Variants in PWWP2A observed in about 807,000 individuals in gnomAD.
PWWP2A encodes the protein PWWP domain containing 2A, also known as PWWP domain-containing protein 2A.
A neutral mutation model predicts 48.5 loss-of-function variants in PWWP2A; 18 were observed. The ratio of observed to expected loss-of-function variants is 0.37; its 90% CI spans 0.26 to 0.55. The LOEUF is 0.55. Among genes scored for constraint, PWWP2A ranks in the 20% least tolerant of loss-of-function variants. The pLI, the probability that PWWP2A is intolerant of heterozygous loss-of-function variation, is 0.81. For missense variants in PWWP2A, 867 were observed against 976.4 expected (o/e 0.89, Z 1.49); for synonymous variants, 396 against 387.7 (o/e 1.02, Z -0.25).
At position 160,081,921 on chromosome 5, in the gene PWWP2A, GCAGTA is replaced by G. The variant is rs1754262080; in HGVS notation, c.1550-1156_1550-1152del. On this transcript the variant is annotated intron_variant, in intron 2 of 3. Coordinates refer to the PWWP2A transcript ENST00000456329. ...TTAATGCTAAGTTAAATTAGAAGCA[GCAGTA>G]TATAATGAAAACCTATTTATAAAAG... Among the ~76,000 whole-genome samples, 15 of 152,190 alleles carry G rather than the reference GCAGTA, an allele frequency of 9.9e-5. 1 individual carries two copies. In the South Asian group the frequency reaches 3.1e-3, roughly 32 times the overall value.
At chr5:160,117,242 T>C (rs903542466) in intron 1 of PWWP2A, among the ~76,000 whole-genome samples, 2 of 152,170 alleles carry the variant, frequency 1.3e-5, no homozygotes, top group Admixed American at 6.5e-5. Context: ...GTAGGATCGC[T>C]TGAGCCCAGG....
chr5:160,097,712 G>T (rs1431814069), intron 1 of PWWP2A, among the ~76,000 whole-genome samples: 1 of 147,006 alleles, frequency 6.8e-6, no homozygotes, highest in South Asian at 2.2e-4. Context: ...TTTTTGGGGG[G>T]GGGGGCGGTT....
downstream of PWWP2A, chr5:160,089,621 A>G: frequency 1.6e-6 from 2 of 1,288,858 alleles, no homozygotes; most frequent in South Asian, 2.5e-5. Flanking sequence ...CTAGAAAGTA[A>G]AAAGGGAAAA....
In PWWP2A at chr5:160,078,951, C is replaced by T. The variant is rs1227804703; in HGVS notation, c.1670-783G>A. 6.6e-6 allele frequency among the ~76,000 whole-genome samples: 1 copy of T among 152,132 alleles called. No homozygotes were observed. Among genetic ancestry groups the T allele is most frequent in the Non-Finnish European group, 1.5e-5 (1 of 68,012 alleles). On this transcript the variant is annotated intron_variant, in intron 3 of 3. Coordinates refer to the PWWP2A transcript ENST00000456329. This position sits in a 1 kb window ranked among gnomAD's most constrained non-coding sequence, Gnocchi z 4.2. ...TAAATAGCATGACCAGAATGATCAA[C>T]ACTACTAACCTCCGTCTAATACTAC...
chr5:160,073,828 G>A (rs184207781), downstream of PWWP2A, among the ~76,000 whole-genome samples: 69 of 152,180 alleles, frequency 4.5e-4, 1 homozygote, highest in East Asian at 0.012. Flanking sequence ...ACTTTGGGAG[G>A]TCAAAGCGGG....
At chr5:160,054,186 T>C in the PWWP2A span, among the ~76,000 whole-genome samples, 4 of 152,164 alleles carry the variant, frequency 2.6e-5, no homozygotes, top group Non-Finnish European at 5.9e-5. Flanking sequence ...GTGTGGTTGA[T>C]AGTGTGATGA....
At chr5:160,067,556 TTTTG>T (rs756168840) in intron 2 of PWWP2A, among the ~76,000 whole-genome samples, 8 of 151,890 alleles carry the variant, frequency 5.3e-5, no homozygotes, top group Non-Finnish European at 8.8e-5. Flanking sequence ...AGTGTAGAGG[TTTTG>T]TTTCTTAGGC....
At chr5:160,071,605 G>A (rs930654095), downstream of PWWP2A, among the ~76,000 whole-genome samples, 9 of 152,158 alleles carry the variant, frequency 5.9e-5, no homozygotes, top group East Asian at 5.8e-4. Flanking sequence ...AGACCAAAGC[G>A]CAAATCTGAG....
At chr5:160,058,302 T>C (rs774404319), downstream of PWWP2A, among the ~76,000 whole-genome samples, 1 of 152,208 alleles carries the variant, frequency 6.6e-6, no homozygotes, top group Non-Finnish European at 1.5e-5. Context: ...ACTGAAGTCT[T>C]CACCCCCTCA....
chr5:160,113,434 C>T, intron 1 of PWWP2A: 1 of 570,604 alleles, frequency 1.8e-6, no homozygotes. Context: ...TAGACTCAAA[C>T]ACCTTTTCCA....
At chr5:160,067,073 A>T (rs537357850) in intron 2 of PWWP2A, among the ~76,000 whole-genome samples, 1 of 152,250 alleles carries the variant, frequency 6.6e-6, no homozygotes, top group East Asian at 1.9e-4. Context: ...TACAATTTTT[A>T]TGGAAAAATC....
At chr5:160,111,306 T>C (rs2113661788) in intron 1 of PWWP2A, among the ~76,000 whole-genome samples, 1 of 152,250 alleles carries the variant, frequency 6.6e-6, no homozygotes, top group South Asian at 2.1e-4. Context: ...TAGCTGGGAT[T>C]ACAGGCACAT....
chr5:160,069,725 A>C (rs577205409), intron 2 of PWWP2A, among the ~76,000 whole-genome samples: 1 of 152,306 alleles, frequency 6.6e-6, no homozygotes, highest in South Asian at 2.1e-4. Flanking sequence ...AATAAAAATA[A>C]AAAGCATTCT....
chr5:160,119,272 G>T lies in PWWP2A; in HGVS notation c.117C>A (p.Pro39=). 2 of 1,402,416 alleles carry T rather than the reference G, an allele frequency of 1.4e-6. No homozygotes were observed. The highest frequency in any genetic ancestry group is 1.8e-6 in the Non-Finnish European group (2 of 1,088,302). 86.9% of individuals were successfully genotyped at this position (1,402,416 alleles called of 1,614,324 possible). A position where few individuals can be genotyped will look rare whatever the true frequency, so the allele number is the denominator to read the frequency against. ...ACGCTTCAGTGGCCGTGACCGGGAGGGGGTCAGTGCCGGCCTCACTGCCGG... is the reference window on the plus strand; with the variant it reads ...ACGCTTCAGTGGCCGTGACCGGGAGTGGGTCAGTGCCGGCCTCACTGCCGG... The part of the protein sequence containing the change: ...PIPGSEAGTD[P]LPVTATEASV... Residue 39 remains proline, a synonymous_variant, in exon 1 of 2, where the codon CCC becomes CCA. Coordinates refer to ENST00000307063, the MANE Select transcript of PWWP2A (RefSeq NM_001130864.2).
In PWWP2A at chr5:160,119,035, T is replaced by G; in HGVS notation, c.354A>C (p.Ala118=). The change falls in exon 1 of 2, where the codon GCA becomes GCC. Residue 118 remains alanine, a synonymous_variant. Coordinates refer to ENST00000307063, the MANE Select transcript of PWWP2A (RefSeq NM_001130864.2). ...GAGCCGGGGGCTGCTCCGGCGGCGA[T>G]GCAGGAGAAGGTGGAAGTTCCGGCC... The part of the protein sequence containing the change: ...QGGPELPPSP[A]SPPEQPPAPE... 1 of 1,596,528 alleles carries G rather than the reference T, an allele frequency of 6.3e-7. No homozygotes were observed. Among genetic ancestry groups the G allele is most frequent in the Non-Finnish European group, 8.5e-7 (1 of 1,176,540 alleles).
chr5:160,097,050 C>T lies in PWWP2A; in HGVS notation c.585-2985G>A, dbSNP rs192697293. Among the ~76,000 whole-genome samples, 7 of 152,246 alleles carry T rather than the reference C, an allele frequency of 4.6e-5. No homozygotes were observed. In the East Asian group the frequency reaches 1.2e-3, roughly 25 times the overall value. On this transcript the variant is annotated intron_variant, in intron 1 of 1. Transcript: ENST00000307063. Reference sequence around the variant, plus strand: ...TTTAATCTTATTTTCAAACTAGTAACTTACAGCCTGATGCAGTGGCTCACG... The same window carrying T: ...TTTAATCTTATTTTCAAACTAGTAATTTACAGCCTGATGCAGTGGCTCACG...
chr5:160,083,191 A>C (rs1754368002), intron 2 of PWWP2A, among the ~76,000 whole-genome samples: 2 of 152,174 alleles, frequency 1.3e-5, no homozygotes, highest in Non-Finnish European at 1.5e-5. Context: ...CTTTTAGACA[A>C]ACTGCATGTA....
intron 1 of PWWP2A, among the ~76,000 whole-genome samples, chr5:160,100,859 A>G (rs111442937): frequency 3.9e-4 from 60 of 152,350 alleles, no homozygotes; most frequent in Middle Eastern, 3.4e-3. Context: ...TTACGATACA[A>G]TCCAGCAATC....
rs572631914 is a variant in PWWP2A, at chr5:160,066,050, T to C, written c.*236+498A>G. On this transcript the variant is annotated intron_variant and NMD_transcript_variant, in intron 4 of 5. Coordinates refer to the PWWP2A transcript ENST00000524050. ...TCTGTAAGTGACATGCAGTAGTCAG[T>C]CATACTCCCAGTGTTAAGGACTATG... Among the ~76,000 whole-genome samples the C allele has an allele frequency of 2.0e-5, 3 of 152,336 alleles. No homozygotes were observed. The South Asian group carries it at 6.2e-4, about 32-fold the overall frequency.
Sources: gnomAD v4.1 joint callset for allele counts (sites outside exome capture counted in the v4.1 genomes callset) on GRCh38, gnomAD v4.1.1 for gene constraint, Gnocchi (gnomAD v3.1) non-coding constraint, MANE v1.5 for transcripts, NCBI Gene and HGNC (gene_info 2026-07-23, HGNC 2026-07-21) for gene names.